The following ZNF143 variants were observed in gnomAD, a reference collection of about 807,000 sequenced individuals.
ZNF143 encodes the protein zinc finger protein 143, also known as SPH-binding factor.
A neutral mutation model predicts 74.1 loss-of-function variants in ZNF143; 49 were observed. The observed-to-expected ratio is 0.66, with a 90% CI of 0.53 to 0.84. The LOEUF is 0.84. Ranked by LOEUF, ZNF143 falls within the 40% of genes least tolerant of loss-of-function variation. The probability of loss-of-function intolerance (pLI) is 0.00; values close to 1 mark genes in which losing one functional copy is unlikely to be tolerated. For synonymous variants in ZNF143, 304 were observed against 282.8 expected (o/e 1.07, Z -0.75); for missense variants, 637 against 793.4 (o/e 0.80, Z 2.37).
At position 9,477,214 on chromosome 11, in the gene ZNF143, T is replaced by C. The variant is rs142975184; in HGVS notation, c.374-1176T>C. 3.8e-3 allele frequency among the ~76,000 whole-genome samples: 418 copies of C among 109,008 alleles called. 3 individuals are homozygous for C. In the South Asian group the frequency reaches 0.043, roughly 11 times the overall value. The allele number at this position is 109,008 out of a possible 152,430, so 71.5% of individuals were successfully genotyped here. A position where few individuals can be genotyped will look rare whatever the true frequency, so the allele number is the denominator to read the frequency against. On this transcript the variant is annotated intron_variant, in intron 5 of 15. Coordinates refer to ENST00000396602, the MANE Select transcript of ZNF143 (RefSeq NM_003442.6). ...TTTCCCTCCTTTCCCTCCCTTCCCT[T>C]CCTTCCCTTCCTTCCCTTCCTTCCC...
intron 14 of ZNF143, among the ~76,000 whole-genome samples, chr11:9,523,285 T>C (rs1022643240): frequency 6.6e-6 from 1 of 152,200 alleles, no homozygotes; most frequent in Non-Finnish European, 1.5e-5. Context: ...GGACGTAATC[T>C]TACCTCCTAA....
At chr11:9,510,812 T>C (rs900873500) in intron 12 of ZNF143, among the ~76,000 whole-genome samples, 2 of 152,158 alleles carry the variant, frequency 1.3e-5, no homozygotes, top group Admixed American at 6.5e-5. Flanking sequence ...ATCTTCCTGG[T>C]TGACAATTAT....
chr11:9,464,464 G>T (rs1239758158), intron 1 of ZNF143, among the ~76,000 whole-genome samples: 1 of 152,000 alleles, frequency 6.6e-6, no homozygotes, highest in Non-Finnish European at 1.5e-5. Context: ...AGCCAGGTGG[G>T]GTGGCCCATG....
chr11:9,520,075 C>T (rs1477480941), intron 14 of ZNF143, among the ~76,000 whole-genome samples: 5 of 123,676 alleles, frequency 4.0e-5, no homozygotes, highest in African/African-American at 1.3e-4. Flanking sequence ...CTCCCTCTGT[C>T]GCCCAGACTG....
intron 15 of ZNF143, 125 bp downstream of exon 15, chr11:9,525,511 C>A: frequency 7.7e-7 from 1 of 1,291,080 alleles, no homozygotes; most frequent in Non-Finnish European, 1.1e-6. Context: ...TATCACCTAG[C>A]CTACTTTAAG....
At chr11:9,472,578 A>T in intron 2 of ZNF143, 99 bp from the exon 3 acceptor site, 2 of 1,035,130 alleles carry the variant, frequency 1.9e-6, no homozygotes, top group Non-Finnish European at 2.9e-6. Flanking sequence ...AGTCTGAGTT[A>T]AGCAGTTTAC....
chr11:9,491,411 C>T (rs905988498), intron 7 of ZNF143, among the ~76,000 whole-genome samples: 6 of 151,826 alleles, frequency 4.0e-5, no homozygotes, highest in East Asian at 1.9e-4. Context: ...CCGAGGCAGG[C>T]GGATCACGAG....
intron 6 of ZNF143, 121 bp downstream of exon 6, chr11:9,478,707 G>T (rs1847118633): frequency 1.8e-6 from 2 of 1,136,038 alleles, no homozygotes; most frequent in South Asian, 3.2e-5. Flanking sequence ...GGCTGGGCAT[G>T]GCGTGATGGC....
intron 7 of ZNF143, among the ~76,000 whole-genome samples, chr11:9,493,328 A>G (rs1847851023): frequency 6.6e-6 from 1 of 151,998 alleles, no homozygotes; most frequent in Non-Finnish European, 1.5e-5. Context: ...CCTCGGCCTC[A>G]CAAAGTTCTG....
At position 9,525,291 on chromosome 11, in the gene ZNF143, A is replaced by G; in HGVS notation, c.1738A>G (p.Met580Val). The G allele has an allele frequency of 2.5e-6, 4 of 1,614,204 alleles. No individual in the cohort carries two copies. Among genetic ancestry groups the G allele is most frequent in the Non-Finnish European group, 3.4e-6 (4 of 1,180,036 alleles). The part of the protein sequence containing the change: ...LAAFHTASSE[M>V]GHQQHSHHLV... ...AGCATTCCATACTGCCTCATCAGAA[A>G]TGGGGCACCAGCAGCATAGCCATCA... Residue 580 changes from methionine (M) to valine (V), a missense_variant, in exon 15 of 16, where the codon ATG (methionine) becomes GTG (valine). Transcript: ENST00000396602.
chr11:9,462,503 C>A (rs1855926177), intron 1 of ZNF143, among the ~76,000 whole-genome samples: 1 of 151,348 alleles, frequency 6.6e-6, no homozygotes, highest in South Asian at 2.1e-4. Context: ...TTCCAGGCTG[C>A]AGTGAGCCGT....
At chr11:9,470,076 G>A (rs1028290917) in intron 1 of ZNF143, among the ~76,000 whole-genome samples, 3 of 152,204 alleles carry the variant, frequency 2.0e-5, no homozygotes, top group South Asian at 4.1e-4. Context: ...ACATCTTCTG[G>A]TTCAGTTCCC....
chr11:9,513,231 G>A (rs1462963264), intron 13 of ZNF143, among the ~76,000 whole-genome samples: 1 of 152,126 alleles, frequency 6.6e-6, no homozygotes, highest in Non-Finnish European at 1.5e-5. Flanking sequence ...ACCCTTCTGT[G>A]TCTTCCTCTT....
intron 1 of ZNF143, among the ~76,000 whole-genome samples, chr11:9,464,086 T>TTTG (rs1856040615): frequency 8.1e-6 from 1 of 124,016 alleles, no homozygotes; most frequent in Non-Finnish European, 1.8e-5. Context: ...GTGTGTGTGT[T>TTTG]TGTGTGTGTG....
chr11:9,493,125 C>T (rs893767465), intron 7 of ZNF143, among the ~76,000 whole-genome samples: 11 of 149,904 alleles, frequency 7.3e-5, no homozygotes, highest in South Asian at 4.2e-4. Context: ...GCTGGAGTGC[C>T]GTGGCATGAT....
At chr11:9,512,404 A>T (rs751397509) in intron 12 of ZNF143, 44 bp from the exon 13 acceptor site, 1 of 1,590,554 alleles carries the variant, frequency 6.3e-7, no homozygotes, top group South Asian at 1.1e-5. Flanking sequence ...TTTCTAAACA[A>T]ATTGGTTGGT....
intron 3 of ZNF143, chr11:9,473,675 C>T: frequency 4.2e-6 from 4 of 960,668 alleles, no homozygotes; most frequent in Non-Finnish European, 6.1e-6. Flanking sequence ...CAGTCCAACT[C>T]ATGTAGCCTG....
chr11:9,482,896 CAT>C (rs1389612217), intron 7 of ZNF143, among the ~76,000 whole-genome samples: 1 of 151,310 alleles, frequency 6.6e-6, no homozygotes, highest in Non-Finnish European at 1.5e-5. Context: ...ATATTTTGGA[CAT>C]ATTGTGTTAA....
chr11:9,485,347 CTTTTT>C, intron 7 of ZNF143, among the ~76,000 whole-genome samples: 1 of 110,432 alleles, frequency 9.1e-6, no homozygotes, highest in East Asian at 2.4e-4. Flanking sequence ...TTCTCTCTCT[CTTTTT>C]TTTTTTTTTT....
Sources: allele counts gnomAD v4.1 joint callset (sites outside exome capture counted in the v4.1 genomes callset), GRCh38; gene constraint gnomAD v4.1.1; transcripts MANE v1.5; gene names NCBI Gene and HGNC (gene_info 2026-07-23, HGNC 2026-07-21).